ADAM22: variants seen among roughly 807,000 people sequenced by gnomAD.
ADAM22 encodes the protein disintegrin and metalloproteinase domain-containing protein 22.
A neutral mutation model predicts 144.6 loss-of-function variants in ADAM22; 65 were observed. The observed-to-expected ratio is 0.45, with a 90% confidence interval of 0.37 to 0.55. The LOEUF is 0.55. Ranked by LOEUF, ADAM22 falls within the 20% of genes least tolerant of loss-of-function variation. ADAM22 has a pLI of 0.00. For synonymous variants in ADAM22, 391 were observed against 412.6 expected (o/e 0.95, Z 0.63); for missense variants, 974 against 1,184.9 (o/e 0.82, Z 2.61).
At chr7:88,184,627 T>C (rs1185687825) in intron 29 of ADAM22, among the ~76,000 whole-genome samples, 1 of 152,180 alleles carries the variant, frequency 6.6e-6, no homozygotes, top group East Asian at 1.9e-4. Context: ...CATGTCGCGC[T>C]ATATGCCAAG....
At chr7:88,179,907 G>A (rs1193029374) in intron 27 of ADAM22, among the ~76,000 whole-genome samples, 1 of 152,084 alleles carries the variant, frequency 6.6e-6, no homozygotes, top group African/African-American at 2.4e-5. Flanking sequence ...AGGAAAAAAG[G>A]TTTGGTAGCC....
At chr7:88,143,261 A>G (rs530966016) in intron 15 of ADAM22, 136 bp downstream of exon 15, 3 of 500,866 alleles carry the variant, frequency 6.0e-6, no homozygotes, top group Non-Finnish European at 6.9e-6. Flanking sequence ...GATATGCTAT[A>G]TATCTGCATA....
chr7:87,984,545 C>A (rs970228159), intron 3 of ADAM22, among the ~76,000 whole-genome samples: 1 of 152,224 alleles, frequency 6.6e-6, no homozygotes, highest in African/African-American at 2.4e-5. Flanking sequence ...ATTGTCCACA[C>A]CATGGGGTGT....
At chr7:88,126,497 A>C (rs532886076) in intron 8 of ADAM22, among the ~76,000 whole-genome samples, 54 of 152,132 alleles carry the variant, frequency 3.5e-4, no homozygotes, top group African/African-American at 1.3e-3. Context: ...ATTATTGCTA[A>C]ATTTTATTGA....
intron 3 of ADAM22, among the ~76,000 whole-genome samples, chr7:88,061,839 CTTTTTTTTTTT>C (rs60313970): frequency 2.7e-5 from 3 of 112,032 alleles, no homozygotes; most frequent in Non-Finnish European, 3.5e-5. Flanking sequence ...CTCTCTCTCT[CTTTTTTTTTTT>C]TTTTTTTTTT....
rs1413760590 is a variant in ADAM22 at position 87,990,162 on chromosome 7, A to G, written c.323+11750A>G. On this transcript the variant is annotated intron_variant, in intron 3 of 31. Transcript: ENST00000413139. ...ATAGATACAAAAAGATAAAGACCCT[A>G]TCTTCAAGGACATGACAACGTGGTC... is the stretch of plus-strand genomic sequence containing the variant. Among the ~76,000 whole-genome samples the G allele has an allele frequency of 4.6e-5, 7 of 152,244 alleles. No individual in the cohort carries two copies. The South Asian group carries it at 6.2e-4, about 14-fold the overall frequency.
At chr7:88,027,592 TC>T (rs890467469) in intron 3 of ADAM22, among the ~76,000 whole-genome samples, 7 of 152,118 alleles carry the variant, frequency 4.6e-5, no homozygotes, top group African/African-American at 1.4e-4. Context: ...CTCTTTTTTT[TC>T]CCCCATTAGG....
intron 4 of ADAM22, among the ~76,000 whole-genome samples, chr7:88,101,459 C>G (rs779597365): frequency 5.9e-5 from 9 of 152,164 alleles, no homozygotes; most frequent in Admixed American, 1.3e-4. Flanking sequence ...CCATTCCTAT[C>G]TGCCTGTGAC....
At chr7:88,038,332 A>T (rs1459361244) in intron 3 of ADAM22, among the ~76,000 whole-genome samples, 1 of 152,182 alleles carries the variant, frequency 6.6e-6, no homozygotes, top group African/African-American at 2.4e-5. Flanking sequence ...TGGTTGTCAG[A>T]CATATTCACT....
At chr7:88,187,218 C>T (rs951461831) in intron 30 of ADAM22, among the ~76,000 whole-genome samples, 3 of 152,168 alleles carry the variant, frequency 2.0e-5, no homozygotes, top group Admixed American at 6.5e-5. Flanking sequence ...ATTACTGAGA[C>T]AACATTGACC....
chr7:88,007,687 G>T (rs1343592628), intron 3 of ADAM22, among the ~76,000 whole-genome samples: 1 of 152,256 alleles, frequency 6.6e-6, no homozygotes, highest in East Asian at 1.9e-4. Context: ...GGGAAAACTG[G>T]CTAGCCATAT....
intron 26 of ADAM22, among the ~76,000 whole-genome samples, chr7:88,178,541 C>T (rs1586541382): frequency 6.6e-6 from 1 of 152,060 alleles, no homozygotes; most frequent in South Asian, 2.1e-4. Flanking sequence ...AGTTTATTCA[C>T]CACAAAGAAA....
chr7:88,124,237 T>C (rs755684409), intron 7 of ADAM22, among the ~76,000 whole-genome samples: 2 of 151,960 alleles, frequency 1.3e-5, no homozygotes, highest in Non-Finnish European at 2.9e-5. Flanking sequence ...AACTTTGAAT[T>C]TGTCTATTTC....
intron 3 of ADAM22, among the ~76,000 whole-genome samples, chr7:88,069,720 A>C (rs1020713141): frequency 6.6e-6 from 1 of 152,068 alleles, no homozygotes; most frequent in African/African-American, 2.4e-5. Context: ...AAGGCTGCTT[A>C]GATGAGGTAG....
In ADAM22 at chr7:88,195,506, A is replaced by ATTTAT. The variant is rs749654329; in HGVS notation, c.2875-942_2875-938dup. On this transcript the variant is annotated intron_variant, in intron 31 of 31. Transcript: ENST00000413139. ...CTCAGCTTGTGAGAGAGAACCTTTT[A>ATTTAT]TTTATTTTATTTTATTTTATTTTAT... is the stretch of plus-strand genomic sequence containing the variant. 9.3e-4 allele frequency among the ~76,000 whole-genome samples: 141 copies of ATTTAT among 151,826 alleles called. 1 individual carries two copies. The highest frequency in any genetic ancestry group is 2.7e-3 in the Admixed American group (41 of 15,236).
At chr7:88,069,229 C>G (rs1171226051) in intron 3 of ADAM22, among the ~76,000 whole-genome samples, 1 of 151,902 alleles carries the variant, frequency 6.6e-6, no homozygotes, top group Non-Finnish European at 1.5e-5. Flanking sequence ...CTCTCCCTTT[C>G]CTTCTCTCTC....
At chr7:88,153,441 T>A in intron 21 of ADAM22, 115 bp downstream of exon 21, 1 of 747,964 alleles carries the variant, frequency 1.3e-6, no homozygotes, top group Non-Finnish European at 2.2e-6. Flanking sequence ...CTTGCCTCCT[T>A]AACCTCATCT....
chr7:88,122,660 A>G (rs536945910), intron 7 of ADAM22, among the ~76,000 whole-genome samples: 1 of 152,270 alleles, frequency 6.6e-6, no homozygotes, highest in African/African-American at 2.4e-5. Context: ...TCTGTGTGTA[A>G]AACTAAAGAG....
intron 3 of ADAM22, among the ~76,000 whole-genome samples, chr7:88,073,148 A>G (rs1813272664): frequency 6.6e-6 from 1 of 152,200 alleles, no homozygotes; most frequent in Non-Finnish European, 1.5e-5. Context: ...TCAAAGACAA[A>G]TGTTCTTGTC....
Sources: gnomAD v4.1 joint callset for allele counts (sites outside exome capture counted in the v4.1 genomes callset) on GRCh38, gnomAD v4.1.1 for gene constraint, MANE v1.5 for transcripts, NCBI Gene and HGNC (gene_info 2026-07-23, HGNC 2026-07-21) for gene names.